The following RANBP10 variants were observed in gnomAD, a reference collection of about 807,000 sequenced individuals.
RANBP10 encodes the protein ran-binding protein 10.
Under a neutral mutation model 72.8 loss-of-function variants are expected in RANBP10, and 24 were observed. The observed-to-expected ratio is 0.33, with a 90% CI of 0.24 to 0.46. The LOEUF is 0.46. RANBP10 is among the 20% of genes least tolerant of loss of function. RANBP10 has a pLI of 1.00. For synonymous variants in RANBP10, 310 were observed against 322.3 expected, an observed-to-expected ratio of 0.96 and a Z score of 0.41; for missense variants, 679 against 817.5, an observed-to-expected ratio of 0.83 and a Z score of 2.07.
intron 3 of RANBP10, among the ~76,000 whole-genome samples, chr16:67,769,443 C>CAAAA (rs768960411): frequency 0.042 from 1,287 of 30,296 alleles, 233 homozygotes; most frequent in African/African-American, 0.16. Flanking sequence ...GACCCTGTCT[C>CAAAA]AAAAAAAAAA....
intron 6 of RANBP10, among the ~76,000 whole-genome samples, chr16:67,731,875 A>G (rs1238866971): frequency 1.3e-5 from 2 of 152,160 alleles, no homozygotes; most frequent in Non-Finnish European, 2.9e-5. Flanking sequence ...AGCGAGTATG[A>G]TAACAGAAGT....
At chr16:67,773,261 G>A (rs2054639998) in intron 2 of RANBP10, among the ~76,000 whole-genome samples, 1 of 152,136 alleles carries the variant, frequency 6.6e-6, no homozygotes, top group South Asian at 2.1e-4. Flanking sequence ...CCCCCAACTT[G>A]TTCCCGTTGT....
intron 3 of RANBP10, among the ~76,000 whole-genome samples, chr16:67,756,995 G>A (rs901691925): frequency 2.6e-5 from 4 of 152,096 alleles, no homozygotes; most frequent in African/African-American, 7.2e-5. Context: ...ACCTGAGGTC[G>A]GGAGTTCGAG....
At chr16:67,798,839 CA>C (rs1417550304) in intron 2 of RANBP10, among the ~76,000 whole-genome samples, 3 of 152,202 alleles carry the variant, frequency 2.0e-5, no homozygotes, top group Non-Finnish European at 2.9e-5. Flanking sequence ...TCTTCACTCT[CA>C]AAAGCATGGG....
chr16:67,735,166 G>A (rs2053818548), intron 5 of RANBP10, 124 bp from the exon 6 acceptor site: 4 of 975,110 alleles, frequency 4.1e-6, no homozygotes, highest in Non-Finnish European at 5.9e-6. Context: ...GGCTGGAGGA[G>A]GCAGGGCGGA....
At chr16:67,754,085 A>T (rs1420841453) in intron 3 of RANBP10, among the ~76,000 whole-genome samples, 1 of 150,914 alleles carries the variant, frequency 6.6e-6, no homozygotes, top group African/African-American at 2.4e-5. Context: ...GTGAGCAGAG[A>T]TCGCACCACT....
At chr16:67,783,176 A>C (rs1246745285) in intron 2 of RANBP10, among the ~76,000 whole-genome samples, 2 of 152,174 alleles carry the variant, frequency 1.3e-5, no homozygotes, top group Non-Finnish European at 2.9e-5. Context: ...CACAGAGCAC[A>C]CACGCAGGAG....
chr16:67,733,686 T>A (rs1486128504), intron 6 of RANBP10, among the ~76,000 whole-genome samples: 1 of 152,194 alleles, frequency 6.6e-6, no homozygotes, highest in East Asian at 1.9e-4. Context: ...AACACCTATG[T>A]GCTATGCTGG....
chr16:67,756,561 G>A (rs1044504293), intron 3 of RANBP10, among the ~76,000 whole-genome samples: 1 of 152,200 alleles, frequency 6.6e-6, no homozygotes, highest in Non-Finnish European at 1.5e-5. Flanking sequence ...CAATTAGCCA[G>A]GTATAGTGGT....
At chr16:67,785,296 C>A (rs138637866) in intron 2 of RANBP10, among the ~76,000 whole-genome samples, 102 of 151,894 alleles carry the variant, frequency 6.7e-4, no homozygotes, top group African/African-American at 2.2e-3. Flanking sequence ...AAGGAAAGAG[C>A]CAAAACCATA....
In RANBP10 at chr16:67,805,492, G is replaced by A. The variant is rs758335608; in HGVS notation, c.283C>T (p.Pro95Ser). The change falls in exon 2 of 14, where the codon CCC becomes TCC. Residue 95 changes from proline to serine, a missense_variant. Coordinates refer to ENST00000317506, the MANE Select transcript of RANBP10 (RefSeq NM_020850.3). ...KDAASVRATH[P>S]IPAACGIYYF... The stretch of plus-strand genomic sequence containing the variant: ...TAAATGCCACAGGCAGCAGGTATGG[G>A]GTGGGTGGCACGCACTGAGGCCGCA... 9 of 1,614,004 alleles carry A rather than the reference G, an allele frequency of 5.6e-6. No individual in the cohort carries two copies. The highest frequency in any genetic ancestry group is 6.8e-6 in the Non-Finnish European group (8 of 1,180,010).
intron 3 of RANBP10, among the ~76,000 whole-genome samples, chr16:67,770,220 C>A (rs2054583870): frequency 6.6e-6 from 1 of 152,024 alleles, no homozygotes; most frequent in African/African-American, 2.4e-5. Flanking sequence ...AGAGGTAGAG[C>A]TACAGATACT....
chr16:67,780,770 A>G (rs1184264160), intron 2 of RANBP10, among the ~76,000 whole-genome samples: 1 of 152,152 alleles, frequency 6.6e-6, no homozygotes, highest in African/African-American at 2.4e-5. Flanking sequence ...GTGGGGGAGG[A>G]GCTAGAGAAG....
chr16:67,743,917 C>A (rs1435218601), intron 4 of RANBP10, among the ~76,000 whole-genome samples: 1 of 152,218 alleles, frequency 6.6e-6, no homozygotes, highest in Non-Finnish European at 1.5e-5. Flanking sequence ...TCCACAGCAA[C>A]CAGCACCAAA....
At position 67,724,676 on chromosome 16, in the gene RANBP10, C is replaced by T. The variant is rs530335398; in HGVS notation, c.*1752G>A. ...ACAGGGCCCAGGGCCCTGGCCCCATCACCAGCAGTTGGTCCAATTCAAACA... is the reference window on the plus strand; with the variant it reads ...ACAGGGCCCAGGGCCCTGGCCCCATTACCAGCAGTTGGTCCAATTCAAACA... On this transcript the variant is annotated 3_prime_UTR_variant, in exon 14 of 14. Transcript: ENST00000317506. The T allele has an allele frequency of 6.6e-6, 1 of 152,410 alleles. No individual in the cohort carries two copies. The allele number at this position is 152,410 out of a possible 1,614,324, so 9.4% of individuals were successfully genotyped here. A position where few individuals can be genotyped will look rare whatever the true frequency, so the allele number is the denominator to read the frequency against.
At chr16:67,757,959 G>C (rs989159714) in intron 3 of RANBP10, among the ~76,000 whole-genome samples, 2 of 152,150 alleles carry the variant, frequency 1.3e-5, no homozygotes, top group Non-Finnish European at 2.9e-5. Flanking sequence ...ATGATACCAG[G>C]GGCTGACACC....
chr16:67,734,975 T>C lies in RANBP10; in HGVS notation c.659A>G (p.Gln220Arg), dbSNP rs142204985. The change falls in exon 6 of 14, where the codon CAG (glutamine) becomes CGG (arginine). Residue 220 changes from glutamine (Q) to arginine (R), a missense_variant. Physicochemically the swap from Gln to Arg is conservative, Grantham distance 43. Transcript: ENST00000317506. ...GEIVDANFGQ[Q>R]PFLFDIEDYM... is the part of the protein sequence containing the mutation. ...GTCCTCAATGTCAAACAGGAAGGGC[T>C]GCTGCCCAAAGTTGGCGTCCACAAT... 15 of 1,613,970 alleles carry C rather than the reference T, an allele frequency of 9.3e-6. No individual in the cohort carries two copies. Among genetic ancestry groups the C allele is most frequent in the Non-Finnish European group, 1.3e-5 (15 of 1,179,958 alleles).
chr16:67,769,349 T>C (rs1293190279), intron 3 of RANBP10, among the ~76,000 whole-genome samples: 1 of 145,926 alleles, frequency 6.9e-6, no homozygotes, highest in Non-Finnish European at 1.5e-5. Flanking sequence ...GAGGCTGAGA[T>C]GGGAGGATCG....
chr16:67,790,542 C>A (rs2055004806), intron 2 of RANBP10, among the ~76,000 whole-genome samples: 1 of 151,718 alleles, frequency 6.6e-6, no homozygotes, highest in South Asian at 2.1e-4. Context: ...AGGACCGCAT[C>A]TGGCTTTTCC....
Sources: allele counts gnomAD v4.1 joint callset (sites outside exome capture counted in the v4.1 genomes callset), GRCh38; gene constraint gnomAD v4.1.1; transcripts MANE v1.5; gene names NCBI Gene and HGNC (gene_info 2026-07-23, HGNC 2026-07-21).